The following SHISA6 variants were observed in gnomAD, a reference collection of about 807,000 sequenced individuals.
SHISA6 encodes the protein protein shisa-6.
In SHISA6, 22 loss-of-function variants were observed where a neutral mutation model predicts 47.9. The observed-to-expected ratio is 0.46, with a 90% CI of 0.33 to 0.66. The LOEUF (loss-of-function observed/expected upper bound fraction) is 0.66. Ranked by LOEUF, SHISA6 falls within the 30% of genes least tolerant of loss-of-function variation. The probability of loss-of-function intolerance (pLI) is 0.02; values close to 1 mark genes in which losing one functional copy is unlikely to be tolerated. For missense variants in SHISA6, 680 were observed against 764.6 expected, an observed-to-expected ratio of 0.89 and a Z score of 1.30; for synonymous variants, 388 against 337.8, an observed-to-expected ratio of 1.15 and a Z score of -1.63.
chr17:11,255,116 T>C (rs145961247), intron 1 of SHISA6, among the ~76,000 whole-genome samples: 116 of 152,350 alleles, frequency 7.6e-4, no homozygotes, highest in Admixed American at 1.9e-3. Flanking sequence ...TTTACACCTG[T>C]ATTCTAGTGC....
At chr17:11,510,207 C>G (rs2071531048) in intron 3 of SHISA6, among the ~76,000 whole-genome samples, 1 of 152,028 alleles carries the variant, frequency 6.6e-6, no homozygotes, top group South Asian at 2.1e-4. Context: ...CATGATGTCA[C>G]AGATTATATG....
At chr17:11,503,827 T>C (rs1178780532) in intron 3 of SHISA6, among the ~76,000 whole-genome samples, 5 of 152,224 alleles carry the variant, frequency 3.3e-5, no homozygotes, top group Non-Finnish European at 7.3e-5. Flanking sequence ...GTGGCTGTTG[T>C]CTGTATTGTA....
chr17:11,291,123 G>A (rs1348086637), intron 2 of SHISA6, among the ~76,000 whole-genome samples: 2 of 151,978 alleles, frequency 1.3e-5, no homozygotes, highest in Non-Finnish European at 2.9e-5. Context: ...TGGGCGATTC[G>A]AGGGGTAGTG....
chr17:11,367,889 T>G lies in SHISA6; in HGVS notation c.800-11525T>G, dbSNP rs979999288. 3.9e-5 allele frequency among the ~76,000 whole-genome samples: 6 copies of G among 152,286 alleles called. No homozygotes were observed. In the East Asian group the frequency reaches 9.7e-4, roughly 24 times the overall value. On this transcript the variant is annotated intron_variant, in intron 2 of 5. Transcript: ENST00000441885. Reference sequence around the variant, plus strand: ...AATTTTCTCCCTCTCCAATTGTTTATTTTGCTCTGGGTTGGAAAGTTCTCT... The same window carrying G: ...AATTTTCTCCCTCTCCAATTGTTTAGTTTGCTCTGGGTTGGAAAGTTCTCT...
intron 2 of SHISA6, among the ~76,000 whole-genome samples, chr17:11,331,108 A>T (rs1218523438): frequency 6.6e-6 from 1 of 152,198 alleles, no homozygotes; most frequent in African/African-American, 2.4e-5. Context: ...ACATCTGCGC[A>T]GTAACTCTCC....
intron 1 of SHISA6, among the ~76,000 whole-genome samples, chr17:11,259,916 A>G (rs1277966430): frequency 6.6e-6 from 1 of 152,210 alleles, no homozygotes; most frequent in African/African-American, 2.4e-5. Context: ...CCCTGTTCCA[A>G]TATGTGTTAG....
At chr17:11,508,038 C>G (rs2071514904) in intron 3 of SHISA6, among the ~76,000 whole-genome samples, 1 of 152,320 alleles carries the variant, frequency 6.6e-6, no homozygotes, top group Admixed American at 6.5e-5. Flanking sequence ...TCAGACACAC[C>G]AAGGACCATC....
intron 2 of SHISA6, among the ~76,000 whole-genome samples, chr17:11,277,280 T>TCTCTCTCTCTCTCTCACACACACA (rs1386997909): frequency 9.3e-5 from 5 of 53,916 alleles, no homozygotes; most frequent in Non-Finnish European, 1.7e-4. Context: ...TCTCTCTCTC[T>TCTCTCTCTCTCTCTCACACACACA]CACACACACA....
At chr17:11,298,866 C>T (rs1909834177) in intron 2 of SHISA6, among the ~76,000 whole-genome samples, 1 of 152,174 alleles carries the variant, frequency 6.6e-6, no homozygotes, top group South Asian at 2.1e-4. Context: ...AGGAGCCTAG[C>T]TTTTGCAGCT....
chr17:11,413,185 C>T lies in SHISA6; in HGVS notation c.895+33676C>T, dbSNP rs74329320. Among the ~76,000 whole-genome samples, 110 of 152,284 alleles carry T rather than the reference C, an allele frequency of 7.2e-4. 2 individuals are homozygous for T. The East Asian group carries it at 0.012, about 17-fold the overall frequency. On this transcript the variant is annotated intron_variant, in intron 3 of 5. Transcript: ENST00000441885. The stretch of plus-strand genomic sequence containing the variant: ...TAAATCCCAGGACACTATCTCCTTC[C>T]GGCATGTCATTCTGTGATTGCCATC...
chr17:11,503,885 A>T (rs1158433921), intron 3 of SHISA6, among the ~76,000 whole-genome samples: 1 of 152,136 alleles, frequency 6.6e-6, no homozygotes, highest in Non-Finnish European at 1.5e-5. Flanking sequence ...TTCTCTATGT[A>T]CAAGTGTGTT....
chr17:11,451,382 A>G (rs1915398315), intron 3 of SHISA6, among the ~76,000 whole-genome samples: 28 of 152,224 alleles, frequency 1.8e-4, no homozygotes, highest in Admixed American at 1.8e-3. Context: ...TTCATCCGAC[A>G]AAAGCTTTTA....
intron 2 of SHISA6, among the ~76,000 whole-genome samples, chr17:11,287,724 A>AGGGAGGGAGGGAGGGGGCAGGGAGGGAG (rs1167552234): frequency 7.2e-5 from 1 of 13,828 alleles, no homozygotes; most frequent in Non-Finnish European, 1.3e-4. Context: ...GGAGGGAGGG[A>AGGGAGGGAGGGAGGGGGCAGGGAGGGAG]GGAAGGGGCT....
At chr17:11,529,291 T>C (rs1298125557) in intron 3 of SHISA6, among the ~76,000 whole-genome samples, 1 of 152,178 alleles carries the variant, frequency 6.6e-6, no homozygotes, top group Non-Finnish European at 1.5e-5. Flanking sequence ...AGGCCTATCT[T>C]TGGGCAACCC....
At chr17:11,492,978 ACTTGGAGATTGGCCAT>A (rs1360434625) in intron 3 of SHISA6, among the ~76,000 whole-genome samples, 1 of 152,174 alleles carries the variant, frequency 6.6e-6, no homozygotes, top group African/African-American at 2.4e-5. Context: ...TAGCAAGGGA[ACTTGGAGATTGGCCAT>A]TTGTCACTAG....
At chr17:11,443,474 T>C (rs763681827) in intron 3 of SHISA6, among the ~76,000 whole-genome samples, 2 of 152,136 alleles carry the variant, frequency 1.3e-5, no homozygotes, top group Non-Finnish European at 2.9e-5. Context: ...ATTTTGCCCA[T>C]TGAAGGGAGT....
intron 2 of SHISA6, among the ~76,000 whole-genome samples, chr17:11,371,495 C>T (rs978018784): frequency 6.6e-6 from 1 of 152,092 alleles, no homozygotes. Context: ...AGAGCAACTC[C>T]CATTTATTGA....
At chr17:11,336,151 G>C (rs1442414167) in intron 2 of SHISA6, among the ~76,000 whole-genome samples, 6 of 152,084 alleles carry the variant, frequency 3.9e-5, no homozygotes, top group African/African-American at 1.4e-4. Context: ...GGAGGTTGCA[G>C]TGAGCTGAGA....
At chr17:11,362,775 G>A (rs1194515510) in intron 2 of SHISA6, among the ~76,000 whole-genome samples, 2 of 152,172 alleles carry the variant, frequency 1.3e-5, no homozygotes, top group African/African-American at 4.8e-5. Flanking sequence ...CCAAAGTGGT[G>A]ACCATTTTAT....
Sources: gnomAD v4.1 joint callset for allele counts (sites outside exome capture counted in the v4.1 genomes callset) on GRCh38, gnomAD v4.1.1 for gene constraint, MANE v1.5 for transcripts, NCBI Gene and HGNC (gene_info 2026-07-23, HGNC 2026-07-21) for gene names.